LRFN5: variants seen among roughly 807,000 people sequenced by gnomAD.
LRFN5 encodes leucine rich repeat and fibronectin type III domain containing 5, also known as leucine-rich repeat and fibronectin type-III domain-containing protein 5.
In LRFN5, 24 loss-of-function variants were observed where a neutral mutation model predicts 45.6. The observed-to-expected ratio is 0.53, with a 90% CI of 0.38 to 0.74. The LOEUF (loss-of-function observed/expected upper bound fraction) is 0.74, where lower values mean the gene tolerates loss of function less well. Ranked by LOEUF, LRFN5 falls within the 30% of genes least tolerant of loss-of-function variation. The pLI is 0.00. For missense variants in LRFN5, 776 were observed against 861.5 expected (o/e 0.90, Z 1.24); for synonymous variants, 340 against 313.8 (o/e 1.08, Z -0.88).
At chr14:41,759,500 G>C (rs12435662) in intron 1 of LRFN5, among the ~76,000 whole-genome samples, 4,785 of 21,430 alleles carry the variant, frequency 0.22, 95 homozygotes, top group East Asian at 0.4. Context: ...CACACACACA[G>C]AGAGAGCACC....
chr14:41,707,224 G>A (rs1011752062), intron 1 of LRFN5, among the ~76,000 whole-genome samples: 1 of 152,126 alleles, frequency 6.6e-6, no homozygotes, highest in Non-Finnish European at 1.5e-5. Flanking sequence ...TACATTAGGA[G>A]GTCAGAGGCA....
chr14:41,817,825 C>T (rs1887973373), intron 2 of LRFN5, among the ~76,000 whole-genome samples: 1 of 152,112 alleles, frequency 6.6e-6, no homozygotes, highest in Non-Finnish European at 1.5e-5. Context: ...GTTTTTAACT[C>T]TCAAACTTCA....
intron 2 of LRFN5, among the ~76,000 whole-genome samples, chr14:41,798,488 G>A (rs1367137296): frequency 6.6e-6 from 1 of 151,924 alleles, no homozygotes; most frequent in Non-Finnish European, 1.5e-5. Context: ...AGAGCAGTGG[G>A]CAAAGTAGGC....
At chr14:41,693,104 T>G (rs999366754) in intron 1 of LRFN5, among the ~76,000 whole-genome samples, 6 of 152,166 alleles carry the variant, frequency 3.9e-5, no homozygotes, top group Non-Finnish European at 1.5e-5. Flanking sequence ...TTTTATATTC[T>G]TATTCAAACA....
chr14:41,896,918 C>T (rs1170937504), intron 4 of LRFN5, among the ~76,000 whole-genome samples: 2 of 151,690 alleles, frequency 1.3e-5, no homozygotes, highest in East Asian at 2.0e-4. Context: ...TGGTGAAACC[C>T]TATCTCTACT....
chr14:41,836,278 A>G (rs1356278986), intron 2 of LRFN5, among the ~76,000 whole-genome samples: 3 of 152,234 alleles, frequency 2.0e-5, no homozygotes, highest in African/African-American at 7.2e-5. Flanking sequence ...AAAGTTTTCA[A>G]ATATGTGCTG....
At chr14:41,705,474 C>G (rs1883025208) in intron 1 of LRFN5, among the ~76,000 whole-genome samples, 1 of 152,014 alleles carries the variant, frequency 6.6e-6, no homozygotes, top group Non-Finnish European at 1.5e-5. Context: ...TTGTGAAATG[C>G]CATTAATATT....
rs199770856 is a variant in LRFN5, at chr14:41,610,661, TAAAAAAAAA to T, written c.-197+2113_-197+2121del. Reference sequence around the variant, plus strand: ...TACCCCTCTGAGGTCCCAGGGAAGGTAAAAAAAAAAAAAAAAAAAAAAGTGTATTGCCTG... The same window carrying T: ...TACCCCTCTGAGGTCCCAGGGAAGGTAAAAAAAAAAAAAGTGTATTGCCTG... On this transcript the variant is annotated intron_variant, in intron 1 of 5. Coordinates refer to ENST00000298119, the MANE Select transcript of LRFN5 (RefSeq NM_152447.5). 2.1e-3 allele frequency among the ~76,000 whole-genome samples: 79 copies of T among 37,350 alleles called. 6 individuals carry two copies. Among genetic ancestry groups the T allele is most frequent in the Non-Finnish European group, 2.0e-3 (29 of 14,730 alleles). 24.5% of individuals were successfully genotyped at this position (37,350 alleles called of 152,430 possible). A position where few individuals can be genotyped will look rare whatever the true frequency, so the allele number is the denominator to read the frequency against.
chr14:41,745,826 C>T (rs57676929), intron 1 of LRFN5, among the ~76,000 whole-genome samples: 1 of 151,676 alleles, frequency 6.6e-6, no homozygotes, highest in East Asian at 1.9e-4. Flanking sequence ...CAGAAGAAAT[C>T]GAATATCTGA....
intron 1 of LRFN5, among the ~76,000 whole-genome samples, chr14:41,627,705 C>A (rs1183294323): frequency 6.6e-6 from 1 of 152,192 alleles, no homozygotes; most frequent in East Asian, 1.9e-4. Context: ...TTTATGTGTC[C>A]ATTTTTCTAT....
chr14:41,679,373 G>A (rs573955637), intron 1 of LRFN5, among the ~76,000 whole-genome samples: 151 of 152,056 alleles, frequency 9.9e-4, no homozygotes, highest in African/African-American at 3.4e-3. Flanking sequence ...GGAGAAGTGA[G>A]GGAAGAGTAA....
intron 2 of LRFN5, among the ~76,000 whole-genome samples, chr14:41,822,889 A>G (rs918229506): frequency 7.5e-6 from 1 of 133,250 alleles, no homozygotes; most frequent in Non-Finnish European, 1.6e-5. Flanking sequence ...TCTCTTTCTC[A>G]TTATATAATT....
intron 2 of LRFN5, among the ~76,000 whole-genome samples, chr14:41,859,418 G>T (rs1057225919): frequency 1.2e-4 from 18 of 152,172 alleles, no homozygotes; most frequent in African/African-American, 4.1e-4. Context: ...TTGAGAGGAA[G>T]TAACCTCACG....
In LRFN5 at chr14:41,887,854, G is replaced by C. The variant is rs1890633104; in HGVS notation, c.1229G>C (p.Ser410Thr). The change falls in exon 3 of 6, where the codon AGT (serine) becomes ACT (threonine). Residue 410 changes from serine (S) to threonine (T), a missense_variant. Transcript: ENST00000298119. The surrounding 1 kb of genome is among the most constrained non-coding windows in gnomAD (Gnocchi z 4.8). ...AAGTCAGGTTCTAATACAAGCAGTA[G>C]TAATGGTGATACTAAATTGAGTCAA... ...STKSGSNTSSSNGDTKLSQDK... is the reference protein window; with the variant it reads ...STKSGSNTSSTNGDTKLSQDK... The C allele has an allele frequency of 1.9e-6, 3 of 1,614,004 alleles. No individual in the cohort carries two copies. The highest frequency in any genetic ancestry group is 1.3e-5 in the African/African-American group (1 of 74,916).
At chr14:41,705,823 G>A (rs1013006605) in intron 1 of LRFN5, among the ~76,000 whole-genome samples, 12 of 148,238 alleles carry the variant, frequency 8.1e-5, no homozygotes, top group Admixed American at 2.7e-4. Context: ...CAATACAAAC[G>A]TGTTTCATAT....
intron 1 of LRFN5, among the ~76,000 whole-genome samples, chr14:41,759,437 TTCTC>T (rs142007567): frequency 2.1e-5 from 3 of 145,700 alleles, no homozygotes; most frequent in Non-Finnish European, 3.0e-5. Flanking sequence ...ATAAAGTATA[TTCTC>T]TCTCTCTACA....
chr14:41,752,703 C>A (rs140909777), intron 1 of LRFN5, among the ~76,000 whole-genome samples: 4,029 of 152,100 alleles, frequency 0.026, 176 homozygotes, highest in African/African-American at 0.092. Flanking sequence ...AATTTTCTGC[C>A]ATTCTGTAGG....
chr14:41,691,657 T>C (rs931448145), intron 1 of LRFN5, among the ~76,000 whole-genome samples: 3 of 152,084 alleles, frequency 2.0e-5, no homozygotes, highest in Admixed American at 6.5e-5. Flanking sequence ...AATGATGAGT[T>C]TGGCGATTTT....
Position 41,673,321 on chromosome 14 carries a change from C to G in LRFN5, c.-197+64759C>G, listed in dbSNP as rs930365218. ...GCAGAGGCGCCCCTCACCTCCGGGACGAGGCGGCTGGCCGGGCGGGGGGCT... is the reference window on the plus strand; with the variant it reads ...GCAGAGGCGCCCCTCACCTCCGGGAGGAGGCGGCTGGCCGGGCGGGGGGCT... On this transcript the variant is annotated intron_variant, in intron 1 of 5. Coordinates refer to ENST00000298119, the MANE Select transcript of LRFN5 (RefSeq NM_152447.5). 1.2e-3 allele frequency among the ~76,000 whole-genome samples: 188 copies of G among 151,064 alleles called. 2 individuals carry two copies. Among genetic ancestry groups the G allele is most frequent in the African/African-American group, 4.2e-3 (172 of 41,374 alleles).
Sources: allele counts gnomAD v4.1 joint callset (sites outside exome capture counted in the v4.1 genomes callset), GRCh38; gene constraint gnomAD v4.1.1; non-coding constraint Gnocchi (gnomAD v3.1); transcripts MANE v1.5; gene names NCBI Gene and HGNC (gene_info 2026-07-23, HGNC 2026-07-21).